Variants in TGFA observed in about 807,000 individuals in gnomAD.
TGFA encodes protransforming growth factor alpha.
In TGFA, 12 loss-of-function variants were observed where a neutral mutation model predicts 21.7. The observed-to-expected ratio is 0.55, with a 90% CI of 0.35 to 0.90. The LOEUF (loss-of-function observed/expected upper bound fraction) is 0.90, where lower values mean the gene tolerates loss of function less well. TGFA is among the 40% of genes least tolerant of loss of function. The pLI, the probability that TGFA is intolerant of heterozygous loss-of-function variation, is 0.01. For synonymous variants in TGFA, 79 were observed against 88.1 expected (o/e 0.90, Z 0.58); for missense variants, 178 against 210.8 (o/e 0.84, Z 0.96).
chr2:70,502,336 G>T (rs1671761973), intron 2 of TGFA, among the ~76,000 whole-genome samples: 1 of 152,108 alleles, frequency 6.6e-6, no homozygotes, highest in South Asian at 2.1e-4. Context: ...GTTTTTGTTT[G>T]TTTGTTTTTG....
At chr2:70,453,094 G>T in intron 5 of TGFA, 124 bp downstream of exon 5, 1 of 864,636 alleles carries the variant, frequency 1.2e-6, no homozygotes, top group Non-Finnish European at 1.8e-6. Flanking sequence ...TTGGTAGAAT[G>T]AAACAGTCTC....
intron 2 of TGFA, among the ~76,000 whole-genome samples, chr2:70,475,908 A>G (rs1670906818): frequency 2.0e-5 from 3 of 152,008 alleles, no homozygotes; most frequent in Non-Finnish European, 4.4e-5. Context: ...CAGCCTGCCA[A>G]TCACCATTCT....
chr2:70,553,384 G>C, intron 1 of TGFA: 1 of 1,455,220 alleles, frequency 6.9e-7, no homozygotes, highest in Admixed American at 2.8e-5. Flanking sequence ...CGGGCTTGGA[G>C]GCAGCCAGGT....
intron 1 of TGFA, among the ~76,000 whole-genome samples, chr2:70,545,366 G>A (rs1445612359): frequency 6.6e-6 from 1 of 152,152 alleles, no homozygotes; most frequent in African/African-American, 2.4e-5. Context: ...GAGTCTGTGA[G>A]AGTCCAAGTC....
Position 70,449,886 on chromosome 2 carries a change from G to T in TGFA, c.*973C>A, listed in dbSNP as rs1669997916. 1 of 155,530 alleles carries T rather than the reference G, an allele frequency of 6.4e-6. No individual in the cohort carries two copies. 9.6% of individuals were successfully genotyped at this position (155,530 alleles called of 1,614,324 possible). A position where few individuals can be genotyped will look rare whatever the true frequency, so the allele number is the denominator to read the frequency against. The stretch of plus-strand genomic sequence containing the variant: ...CACTGAGCAGTACAATATGTATTGG[G>T]TTTATCCTGTGTAGACACACACACT... On this transcript the variant is annotated 3_prime_UTR_variant, in exon 6 of 6. Transcript: ENST00000295400.
chr2:70,462,714 G>C (rs1670440467), intron 3 of TGFA, among the ~76,000 whole-genome samples: 1 of 152,180 alleles, frequency 6.6e-6, no homozygotes, highest in Admixed American at 6.5e-5. Context: ...GGCTCACTAT[G>C]TGTTGCCATG....
At chr2:70,516,181 A>C (rs1300613333) in intron 1 of TGFA, among the ~76,000 whole-genome samples, 2 of 152,244 alleles carry the variant, frequency 1.3e-5, no homozygotes, top group African/African-American at 4.8e-5. Context: ...AAGATGCCAC[A>C]GTTGCTGTGC....
chr2:70,496,046 T>C (rs1046694642), intron 2 of TGFA, among the ~76,000 whole-genome samples: 8 of 152,124 alleles, frequency 5.3e-5, no homozygotes, highest in Admixed American at 2.6e-4. Context: ...TCCTGAGCAC[T>C]GAGGAGCCTG....
chr2:70,464,850 A>T (rs1553491930), intron 3 of TGFA, among the ~76,000 whole-genome samples: 2 of 152,162 alleles, frequency 1.3e-5, no homozygotes, highest in Admixed American at 6.5e-5. Context: ...TCCCCTGAGC[A>T]TGTGAGGCCT....
chr2:70,496,223 T>C (rs538067428), intron 2 of TGFA, among the ~76,000 whole-genome samples: 1 of 152,344 alleles, frequency 6.6e-6, no homozygotes, highest in South Asian at 2.1e-4. Flanking sequence ...TTATTTTTAT[T>C]GTTTTTTAAA....
At chr2:70,509,160 G>A (rs1672018442) in intron 2 of TGFA, among the ~76,000 whole-genome samples, 1 of 152,186 alleles carries the variant, frequency 6.6e-6, no homozygotes, top group Non-Finnish European at 1.5e-5. Flanking sequence ...TGGAGCAGGT[G>A]AGCCATGTAG....
intron 2 of TGFA, among the ~76,000 whole-genome samples, chr2:70,491,350 TCAGTA>T (rs1671429075): frequency 6.6e-6 from 1 of 152,190 alleles, no homozygotes; most frequent in African/African-American, 2.4e-5. Flanking sequence ...GGCTTTCAGT[TCAGTA>T]AAGTGTGGGG....
At chr2:70,471,718 A>C (rs1224953306) in intron 2 of TGFA, among the ~76,000 whole-genome samples, 1 of 152,146 alleles carries the variant, frequency 6.6e-6, no homozygotes, top group African/African-American at 2.4e-5. Context: ...CTTTCCTTAC[A>C]TCATCCGCCA....
intron 2 of TGFA, among the ~76,000 whole-genome samples, chr2:70,470,131 C>T (rs1380751366): frequency 5.4e-5 from 8 of 149,066 alleles, no homozygotes; most frequent in South Asian, 2.2e-4. Flanking sequence ...TAGAGAGAGA[C>T]GGGGTGGGGT....
chr2:70,505,129 T>C lies in TGFA; in HGVS notation c.94+9730A>G, dbSNP rs538484345. On this transcript the variant is annotated intron_variant, in intron 2 of 5. Coordinates refer to ENST00000295400, the MANE Select transcript of TGFA (RefSeq NM_003236.4). Reference sequence around the variant, plus strand: ...TGTGATTGATAAAATACAAATTCATTTTAAAGTGTCACTGAGTTCTCATAG... The same window carrying C: ...TGTGATTGATAAAATACAAATTCATCTTAAAGTGTCACTGAGTTCTCATAG... Among the ~76,000 whole-genome samples the C allele has an allele frequency of 3.9e-5, 6 of 152,366 alleles. No homozygotes were observed. The South Asian group carries it at 1.2e-3, about 32-fold the overall frequency.
intron 2 of TGFA, among the ~76,000 whole-genome samples, chr2:70,483,967 C>G (rs1179843176): frequency 6.6e-6 from 1 of 152,160 alleles, no homozygotes; most frequent in African/African-American, 2.4e-5. Context: ...TCTCATGAAC[C>G]CTTTGACTAC....
At chr2:70,547,860 T>TAGAGAGAG (rs1221855498) in intron 1 of TGFA, among the ~76,000 whole-genome samples, 143 of 148,078 alleles carry the variant, frequency 9.7e-4, no homozygotes, top group African/African-American at 3.4e-3. Context: ...TATATCTATA[T>TAGAGAGAG]ATAGAGAGAT....
At position 70,553,740 on chromosome 2, in the gene TGFA, G is replaced by A. The variant is rs782266818; in HGVS notation, c.28C>T (p.Leu10=). MVPSAGQLA[L]FALGIVLAAC... is the part of the protein sequence containing the mutation. ...CCGGCGTACGTACCCAGAGCGAACA[G>A]GGCGAGCTGTCCAGCCGAGGGGACC... The change falls in exon 1 of 6, where the codon CTG becomes TTG. Residue 10 remains leucine (L), a synonymous_variant. Coordinates refer to ENST00000295400, the MANE Select transcript of TGFA (RefSeq NM_003236.4). The A allele has an allele frequency of 7.6e-7, 1 of 1,324,136 alleles. No individual in the cohort carries two copies. Among genetic ancestry groups the A allele is most frequent in the South Asian group, 2.3e-5 (1 of 42,662 alleles). 82.0% of individuals were successfully genotyped at this position (1,324,136 alleles called of 1,614,324 possible).
At position 70,512,359 on chromosome 2, in the gene TGFA, C is replaced by T. The variant is rs138496801; in HGVS notation, c.94+2500G>A. 4.0e-3 allele frequency among the ~76,000 whole-genome samples: 616 copies of T among 152,230 alleles called. 1 individual carries two copies. Among genetic ancestry groups the T allele is most frequent in the African/African-American group, 0.014 (564 of 41,520 alleles). The stretch of plus-strand genomic sequence containing the variant: ...AGCAACAGAGAGGGCAGACGGGCAG[C>T]CACCTCCCTCCTCTGCAGACTGGCA... On this transcript the variant is annotated intron_variant, in intron 2 of 5. Coordinates refer to ENST00000295400, the MANE Select transcript of TGFA (RefSeq NM_003236.4).
Sources: gnomAD v4.1 joint callset for allele counts (sites outside exome capture counted in the v4.1 genomes callset) on GRCh38, gnomAD v4.1.1 for gene constraint, MANE v1.5 for transcripts, NCBI Gene and HGNC (gene_info 2026-07-23, HGNC 2026-07-21) for gene names.